GABRA5: variants seen among roughly 807,000 people sequenced by gnomAD.
The protein encoded by GABRA5 is gamma-aminobutyric acid receptor subunit alpha-5.
Under a neutral mutation model 47.3 loss-of-function variants are expected in GABRA5, and 18 were observed. The ratio of observed to expected loss-of-function variants is 0.38; its 90% CI spans 0.26 to 0.56. The LOEUF (loss-of-function observed/expected upper bound fraction) is 0.56. Ranked by LOEUF, GABRA5 falls within the 20% of genes least tolerant of loss-of-function variation. GABRA5 has a pLI of 0.71. For missense variants in GABRA5, 365 were observed against 599.3 expected, an observed-to-expected ratio of 0.61 and a Z score of 4.08; for synonymous variants, 237 against 229.3, an observed-to-expected ratio of 1.03 and a Z score of -0.30.
intron 6 of GABRA5, among the ~76,000 whole-genome samples, chr15:26,890,827 A>G (rs1892988656): frequency 6.6e-6 from 1 of 152,186 alleles, no homozygotes; most frequent in Non-Finnish European, 1.5e-5. Context: ...GTGCTTGTGA[A>G]TGAATGAACC....
chr15:26,922,295 ATTGT>A (rs1893862105), intron 7 of GABRA5, among the ~76,000 whole-genome samples: 1 of 152,112 alleles, frequency 6.6e-6, no homozygotes, highest in Admixed American at 6.5e-5. Flanking sequence ...CACATATATA[ATTGT>A]TTGTCTTCAC....
intron 10 of GABRA5, among the ~76,000 whole-genome samples, chr15:26,946,658 A>T (rs531089781): frequency 6.6e-6 from 1 of 152,284 alleles, no homozygotes; most frequent in African/African-American, 2.4e-5. Context: ...GCCACAGTAG[A>T]GGACATCACC....
chr15:26,886,112 C>G lies in GABRA5; in HGVS notation c.497+2555C>G, dbSNP rs571105658. ...TCGGTTCACTGCAACCTCCACCTCC[C>G]GGGTTCGAGCGATTCTCTTGCCTCA... On this transcript the variant is annotated intron_variant, in intron 6 of 10. Coordinates refer to ENST00000335625, the MANE Select transcript of GABRA5 (RefSeq NM_000810.4). Among the ~76,000 whole-genome samples, 180 of 152,190 alleles carry G rather than the reference C, an allele frequency of 1.2e-3. 1 individual carries two copies. Among genetic ancestry groups the G allele is most frequent in the African/African-American group, 4.2e-3 (173 of 41,534 alleles).
At chr15:26,900,629 G>A (rs1247670080) in intron 6 of GABRA5, among the ~76,000 whole-genome samples, 1 of 151,962 alleles carries the variant, frequency 6.6e-6, no homozygotes, top group East Asian at 1.9e-4. Context: ...CCCTATACAT[G>A]CATAGCTTCC....
intron 6 of GABRA5, among the ~76,000 whole-genome samples, chr15:26,888,634 G>T (rs1170005319): frequency 6.6e-6 from 1 of 152,140 alleles, no homozygotes; most frequent in African/African-American, 2.4e-5. Context: ...TGAAGTACAG[G>T]GTGGCCACCT....
chr15:26,935,524 G>A (rs1225804439), intron 7 of GABRA5, among the ~76,000 whole-genome samples: 2 of 152,176 alleles, frequency 1.3e-5, no homozygotes, highest in Non-Finnish European at 2.9e-5. Flanking sequence ...TCTCCTTGCT[G>A]GCAGTGCTCA....
rs570868422 is a variant in GABRA5 at position 26,869,028 on chromosome 15, G to A, written c.-74-147G>A. On this transcript the variant is annotated intron_variant, in intron 2 of 10. Transcript: ENST00000335625. Reference sequence around the variant, plus strand: ...AACTTACTGCCCAGTGAGGGTGATGGAAAATACCTGGTGTGCAGCTGTCCT... The same window carrying A: ...AACTTACTGCCCAGTGAGGGTGATGAAAAATACCTGGTGTGCAGCTGTCCT... 37 of 494,692 alleles carry A rather than the reference G, an allele frequency of 7.5e-5. 2 individuals carry two copies. In the South Asian group the frequency reaches 1.1e-3, roughly 15 times the overall value. 30.6% of individuals were successfully genotyped at this position (494,692 alleles called of 1,614,324 possible).
intron 7 of GABRA5, among the ~76,000 whole-genome samples, chr15:26,929,981 C>G (rs996700157): frequency 1.4e-5 from 2 of 147,210 alleles, no homozygotes; most frequent in African/African-American, 5.0e-5. Flanking sequence ...AATTCTGCTT[C>G]TTTCTTCTTC....
rs550313913 is a variant in GABRA5 at position 26,884,031 on chromosome 15, A to G, written c.497+474A>G. ...AAAAAAAAGAAACAAAAAAAAACAA[A>G]AAAGAAATTCACCCAGGCGAGGAGG... On this transcript the variant is annotated intron_variant, in intron 6 of 10. Transcript: ENST00000335625. Among the ~76,000 whole-genome samples the G allele has an allele frequency of 9.9e-5, 15 of 151,918 alleles. 1 individual carries two copies. The South Asian group carries it at 2.5e-3, about 25-fold the overall frequency.
At chr15:26,922,280 G>A (rs1893861273) in intron 7 of GABRA5, among the ~76,000 whole-genome samples, 1 of 152,030 alleles carries the variant, frequency 6.6e-6, no homozygotes, top group East Asian at 1.9e-4. Context: ...ATTATTTGGT[G>A]CATACACATA....
chr15:26,934,196 G>A (rs973619202), intron 7 of GABRA5, among the ~76,000 whole-genome samples: 15 of 148,450 alleles, frequency 1.0e-4, no homozygotes, highest in Non-Finnish European at 2.2e-4. Flanking sequence ...AGATTGCAGT[G>A]AGCCAAGATC....
chr15:26,901,412 T>C (rs1347779888), intron 6 of GABRA5, among the ~76,000 whole-genome samples: 1 of 152,216 alleles, frequency 6.6e-6, no homozygotes, highest in Non-Finnish European at 1.5e-5. Flanking sequence ...TGATGACATA[T>C]GTCGTGGAGC....
chr15:26,896,885 CA>C (rs1385771920), intron 6 of GABRA5, among the ~76,000 whole-genome samples: 1 of 151,754 alleles, frequency 6.6e-6, no homozygotes, highest in Non-Finnish European at 1.5e-5. Context: ...TATATCTTTT[CA>C]AAAAGTTTTA....
At chr15:26,880,123 A>G (rs1447565115) in intron 3 of GABRA5, among the ~76,000 whole-genome samples, 1 of 152,148 alleles carries the variant, frequency 6.6e-6, no homozygotes, top group Non-Finnish European at 1.5e-5. Context: ...TTCTGCTCAT[A>G]TTACATAAGC....
At chr15:26,889,493 C>T (rs1372819193) in intron 6 of GABRA5, among the ~76,000 whole-genome samples, 8 of 152,150 alleles carry the variant, frequency 5.3e-5, no homozygotes, top group Middle Eastern at 3.4e-3. Context: ...CCTTAAACGG[C>T]CACTTGAGGG....
At chr15:26,896,643 G>A (rs1335844375) in intron 6 of GABRA5, among the ~76,000 whole-genome samples, 1 of 152,160 alleles carries the variant, frequency 6.6e-6, no homozygotes, top group Non-Finnish European at 1.5e-5. Context: ...CAAAATAGGA[G>A]TTGGTAGGTT....
At chr15:26,890,882 C>T (rs2140266301) in intron 6 of GABRA5, among the ~76,000 whole-genome samples, 1 of 152,250 alleles carries the variant, frequency 6.6e-6, no homozygotes, top group Non-Finnish European at 1.5e-5. Flanking sequence ...GAGGCCATCT[C>T]ACCACCCAGA....
At chr15:26,912,131 G>C (rs1893610994) in intron 6 of GABRA5, among the ~76,000 whole-genome samples, 1 of 152,150 alleles carries the variant, frequency 6.6e-6, no homozygotes, top group African/African-American at 2.4e-5. Flanking sequence ...CGATCGCAAA[G>C]CATGCCTCTC....
At chr15:26,914,584 A>T (rs1893677452) in intron 6 of GABRA5, among the ~76,000 whole-genome samples, 1 of 152,260 alleles carries the variant, frequency 6.6e-6, no homozygotes, top group Non-Finnish European at 1.5e-5. Flanking sequence ...ACACACCCTA[A>T]GCCACCGAAG....
Sources: allele counts gnomAD v4.1 joint callset (sites outside exome capture counted in the v4.1 genomes callset), GRCh38; gene constraint gnomAD v4.1.1; transcripts MANE v1.5; gene names NCBI Gene and HGNC (gene_info 2026-07-23, HGNC 2026-07-21).